TMEM131: variants seen among roughly 807,000 people sequenced by gnomAD.
The protein encoded by TMEM131 is transmembrane protein 131.
In TMEM131, 66 loss-of-function variants were observed where a neutral mutation model predicts 211.6. The ratio of observed to expected loss-of-function variants is 0.31; its 90% CI spans 0.26 to 0.38. TMEM131 has a LOEUF of 0.38. Among genes scored for constraint, TMEM131 ranks in the 10% least tolerant of loss-of-function variants. TMEM131 has a pLI of 1.00. For synonymous variants in TMEM131, 844 were observed against 841.3 expected (o/e 1.00, Z -0.06); for missense variants, 2,036 against 2,299.3 (o/e 0.89, Z 2.34).
At chr2:97,930,239 C>A (rs776148690) in intron 1 of TMEM131, among the ~76,000 whole-genome samples, 23 of 151,712 alleles carry the variant, frequency 1.5e-4, no homozygotes, top group Non-Finnish European at 2.8e-4. Flanking sequence ...CAACAAGAAA[C>A]AACTGGAAAC....
intron 1 of TMEM131, among the ~76,000 whole-genome samples, chr2:97,968,513 C>A (rs1041272664): frequency 1.3e-5 from 2 of 152,104 alleles, no homozygotes; most frequent in African/African-American, 4.8e-5. Flanking sequence ...AGTGGGCACT[C>A]CTATCTCCCT....
intron 1 of TMEM131, among the ~76,000 whole-genome samples, chr2:97,932,742 ACT>A (rs1559456929): frequency 6.6e-6 from 1 of 152,144 alleles, no homozygotes; most frequent in Admixed American, 6.5e-5. Context: ...AATCACTAAA[ACT>A]CTGAAGCTCG....
At chr2:97,811,317 AAT>A (rs1681539412) in intron 17 of TMEM131, 85 bp from the exon 18 acceptor site, 1 of 952,114 alleles carries the variant, frequency 1.1e-6, no homozygotes, top group Non-Finnish European at 1.7e-6. Context: ...GTAGCGATAA[AAT>A]GACTAACAAA....
chr2:97,993,558 A>G (rs1307815642), intron 1 of TMEM131, among the ~76,000 whole-genome samples: 1 of 152,246 alleles, frequency 6.6e-6, no homozygotes, highest in Non-Finnish European at 1.5e-5. Context: ...TATGTTCTAT[A>G]TCAGCATCAT....
chr2:97,814,419 A>C, intron 13 of TMEM131, 31 bp from the exon 14 acceptor site: 1 of 1,525,388 alleles, frequency 6.6e-7, no homozygotes, highest in Non-Finnish European at 8.8e-7. Flanking sequence ...AACAAAATAA[A>C]TCATTTTTAT....
chr2:97,837,128 G>A lies in TMEM131; in HGVS notation c.753C>T (p.Asp251=). The change falls in exon 8 of 41, where the codon GAC becomes GAT. Residue 251 remains aspartate, a synonymous_variant. Coordinates refer to ENST00000186436, the MANE Select transcript of TMEM131 (RefSeq NM_015348.2). ...QVVEMYSSGG[D]LHLELPTGQQ... ...GACCCGTTGGGAGTTCTAGGTGAAGGTCTCCTCCACTAGAGTACATTTCTA... is the reference window on the plus strand; with the variant it reads ...GACCCGTTGGGAGTTCTAGGTGAAGATCTCCTCCACTAGAGTACATTTCTA... 6.2e-7 allele frequency: 1 copy of A among 1,609,410 alleles called. No individual in the cohort carries two copies. The highest frequency in any genetic ancestry group is 8.5e-7 in the Non-Finnish European group (1 of 1,178,234).
intron 1 of TMEM131, among the ~76,000 whole-genome samples, chr2:97,969,689 C>T (rs1679214046): frequency 6.6e-6 from 1 of 152,186 alleles, no homozygotes; most frequent in Non-Finnish European, 1.5e-5. Flanking sequence ...TGTACACAAA[C>T]TGCTCAAATA....
chr2:97,925,639 T>C (rs182774221), intron 2 of TMEM131, among the ~76,000 whole-genome samples: 1 of 152,340 alleles, frequency 6.6e-6, no homozygotes, highest in African/African-American at 2.4e-5. Context: ...AGTATGGTAC[T>C]TACTGGACAC....
rs545798054 is a variant in TMEM131, at chr2:97,859,207, C to T, written c.483+97G>A. ...AATCTAGGAACAGATTTGAAATATTCAAACCCAATTCTAATCACAGCAAGT... is the reference window on the plus strand; with the variant it reads ...AATCTAGGAACAGATTTGAAATATTTAAACCCAATTCTAATCACAGCAAGT... On this transcript the variant is annotated intron_variant, in intron 5 of 40. Coordinates refer to ENST00000186436, the MANE Select transcript of TMEM131 (RefSeq NM_015348.2). 32 of 1,304,886 alleles carry T rather than the reference C, an allele frequency of 2.5e-5. No individual in the cohort carries two copies. The African/African-American group carries it at 4.9e-4, about 20-fold the overall frequency. The allele number at this position is 1,304,886 out of a possible 1,614,324, so 80.8% of individuals were successfully genotyped here.
intron 11 of TMEM131, among the ~76,000 whole-genome samples, chr2:97,822,809 G>A (rs1682194400): frequency 6.6e-6 from 1 of 152,092 alleles, no homozygotes; most frequent in Non-Finnish European, 1.5e-5. Flanking sequence ...AGGCAGTTTT[G>A]TCTTTCAGAT....
intron 1 of TMEM131, among the ~76,000 whole-genome samples, chr2:97,969,723 C>G (rs1679215509): frequency 2.0e-5 from 3 of 152,190 alleles, no homozygotes; most frequent in African/African-American, 4.8e-5. Context: ...CAATAAAAAT[C>G]TGCAGGAATA....
chr2:97,806,996 C>CCTTGTCT, intron 19 of TMEM131, among the ~76,000 whole-genome samples: 1 of 152,242 alleles, frequency 6.6e-6, no homozygotes. Flanking sequence ...TTCCCTCGTG[C>CCTTGTCT]CTTGTCTCTT....
intron 4 of TMEM131, among the ~76,000 whole-genome samples, chr2:97,864,090 T>C (rs1674174259): frequency 6.6e-6 from 1 of 152,196 alleles, no homozygotes; most frequent in South Asian, 2.1e-4. Flanking sequence ...TGGATGGAGC[T>C]AGAGAACATT....
Position 97,757,091 on chromosome 2 carries a change from T to C in TMEM131, c.*8A>G, listed in dbSNP as rs1260365319. ...GGGCCCACTATGTTTGTTTGTTTTTTGCTTAATTTAATTCTCGTGAGGAAA... is the reference window on the plus strand; with the variant it reads ...GGGCCCACTATGTTTGTTTGTTTTTCGCTTAATTTAATTCTCGTGAGGAAA... On this transcript the variant is annotated 3_prime_UTR_variant, in exon 41 of 41. Transcript: ENST00000186436. The C allele has an allele frequency of 6.4e-7, 1 of 1,574,562 alleles. No homozygotes were observed. Among genetic ancestry groups the C allele is most frequent in the South Asian group, 1.2e-5 (1 of 86,404 alleles).
At chr2:97,874,043 C>G (rs1030319136) in intron 4 of TMEM131, among the ~76,000 whole-genome samples, 1 of 152,108 alleles carries the variant, frequency 6.6e-6, no homozygotes, top group Non-Finnish European at 1.5e-5. Flanking sequence ...CCCGATGGAG[C>G]TGAAAAATAC....
At chr2:97,931,451 T>G (rs1036538915) in intron 1 of TMEM131, among the ~76,000 whole-genome samples, 5 of 152,248 alleles carry the variant, frequency 3.3e-5, no homozygotes, top group African/African-American at 1.2e-4. Context: ...AAGACAAATC[T>G]TTGTCTACTA....
At chr2:97,837,012 T>C in intron 8 of TMEM131, 65 bp downstream of exon 8, 1 of 1,315,250 alleles carries the variant, frequency 7.6e-7, no homozygotes, top group Non-Finnish European at 1.1e-6. Context: ...AGTTAAATAT[T>C]TTCTAATTTA....
At chr2:97,779,366 A>G (rs1208476195) in intron 31 of TMEM131, among the ~76,000 whole-genome samples, 1 of 152,228 alleles carries the variant, frequency 6.6e-6, no homozygotes, top group Non-Finnish European at 1.5e-5. Flanking sequence ...GTCTAGCTGC[A>G]GGCAGTCTCT....
intron 19 of TMEM131, among the ~76,000 whole-genome samples, chr2:97,807,045 G>A (rs2104944919): frequency 6.6e-6 from 1 of 152,286 alleles, no homozygotes; most frequent in South Asian, 2.1e-4. Flanking sequence ...AGATATAAAT[G>A]CTGCTCTCAC....
Sources: allele counts gnomAD v4.1 joint callset (sites outside exome capture counted in the v4.1 genomes callset), GRCh38; gene constraint gnomAD v4.1.1; transcripts MANE v1.5; gene names NCBI Gene and HGNC (gene_info 2026-07-23, HGNC 2026-07-21).